Variants in GCNT2 observed in about 807,000 individuals in gnomAD.
The protein encoded by GCNT2 is glucosaminyl (N-acetyl) transferase 2 (I blood group), also known as N-acetyllactosaminide beta-1,6-N-acetylglucosaminyl-transferase.
A neutral mutation model predicts 34.2 loss-of-function variants in GCNT2; 34 were observed. The observed-to-expected ratio is 1.00, with a 90% CI of 0.76 to 1.32. The LOEUF is 1.32. GCNT2 is among the 40% of genes most tolerant of loss of function. GCNT2 has a pLI of 0.00. For synonymous variants in GCNT2, 212 were observed against 188.0 expected, an observed-to-expected ratio of 1.13 and a Z score of -1.04; for missense variants, 584 against 489.4, an observed-to-expected ratio of 1.19 and a Z score of -1.82.
chr6:10,626,513 C>T lies in GCNT2; in HGVS notation c.1115C>T (p.Thr372Ile). The T allele has an allele frequency of 1.9e-6, 3 of 1,613,052 alleles. No individual in the cohort carries two copies. Among genetic ancestry groups the T allele is most frequent in the Non-Finnish European group, 2.5e-6 (3 of 1,179,058 alleles). ...TTTGCTAACAAGTTTGAGCTTAATACCTACCCCCTTACTGTGGAATGCCTA... is the reference window on the plus strand; with the variant it reads ...TTTGCTAACAAGTTTGAGCTTAATATCTACCCCCTTACTGTGGAATGCCTA... ...SLFANKFELN[T>I]YPLTVECLEL... is the part of the protein sequence containing the mutation. The change falls in exon 5 of 5, where the codon ACC becomes ATC. Residue 372 changes from threonine to isoleucine, a missense_variant. By Grantham distance (89) the Thr-to-Ile change is moderately conservative. Transcript: ENST00000495262.
intron 1 of GCNT2, among the ~76,000 whole-genome samples, chr6:10,522,575 GT>G (rs772521641): frequency 6.5e-4 from 99 of 152,266 alleles, no homozygotes; most frequent in Non-Finnish European, 6.5e-4. Flanking sequence ...TAAAGGATCT[GT>G]TTCTTTGCAC....
intron 3 of GCNT2, among the ~76,000 whole-genome samples, chr6:10,534,414 G>A (rs550547991): frequency 4.7e-4 from 72 of 152,090 alleles, no homozygotes; most frequent in African/African-American, 1.6e-3. Flanking sequence ...GGGATTACAG[G>A]CGTGAGCCAC....
At chr6:10,533,947 G>A (rs1418786088) in intron 3 of GCNT2, among the ~76,000 whole-genome samples, 3 of 151,366 alleles carry the variant, frequency 2.0e-5, no homozygotes, top group East Asian at 3.9e-4. Context: ...AGGCTCTGCC[G>A]CCCTAGCAGC....
At chr6:10,540,334 T>C (rs1485531962) in intron 3 of GCNT2, among the ~76,000 whole-genome samples, 6 of 152,164 alleles carry the variant, frequency 3.9e-5, no homozygotes, top group African/African-American at 1.4e-4. Flanking sequence ...CACAACCTGT[T>C]CATGCTGTCT....
chr6:10,601,593 G>T (rs1276184857), intron 3 of GCNT2, among the ~76,000 whole-genome samples: 1 of 152,094 alleles, frequency 6.6e-6, no homozygotes, highest in Non-Finnish European at 1.5e-5. Flanking sequence ...ATTAGTCATT[G>T]GTCTTGATCT....
intron 1 of GCNT2, among the ~76,000 whole-genome samples, chr6:10,522,637 A>G (rs776651749): frequency 1.3e-5 from 2 of 152,184 alleles, no homozygotes; most frequent in Admixed American, 6.5e-5. Context: ...GGGAGGCTAT[A>G]TTCTTTCATG....
At chr6:10,564,929 C>A (rs1185858725) in intron 3 of GCNT2, among the ~76,000 whole-genome samples, 2 of 152,060 alleles carry the variant, frequency 1.3e-5, no homozygotes, top group African/African-American at 4.8e-5. Flanking sequence ...GAGAGAGAAG[C>A]CAGATCATTA....
At chr6:10,523,404 C>T (rs1365585783) in intron 1 of GCNT2, among the ~76,000 whole-genome samples, 1 of 136,792 alleles carries the variant, frequency 7.3e-6, no homozygotes, top group Admixed American at 7.8e-5. Flanking sequence ...GCAGACGGGG[C>T]AACAAGAGCG....
At chr6:10,550,953 T>C (rs1762455034) in intron 3 of GCNT2, among the ~76,000 whole-genome samples, 1 of 152,248 alleles carries the variant, frequency 6.6e-6, no homozygotes, top group South Asian at 2.1e-4. Context: ...ATTTGGCTGA[T>C]AGTTGTGGAA....
intron 1 of GCNT2, among the ~76,000 whole-genome samples, chr6:10,523,347 A>G (rs56246348): frequency 0.015 from 2,262 of 150,552 alleles, 25 homozygotes; most frequent in South Asian, 0.026. Flanking sequence ...AATTGCTTAA[A>G]CCCGGGAGGC....
intron 3 of GCNT2, among the ~76,000 whole-genome samples, chr6:10,611,256 GATCACTTGAACTGGTTCAA>G (rs1356339894): frequency 1.4e-5 from 1 of 73,024 alleles, no homozygotes; most frequent in African/African-American, 5.0e-5. Context: ...GTGATCAATT[GATCACTTGAACTGGTTCAA>G]TTGATCAATT....
In GCNT2 at chr6:10,531,030, G is replaced by A. The variant is rs996857857; in HGVS notation, c.925+1194G>A. Among the ~76,000 whole-genome samples the A allele has an allele frequency of 2.1e-5, 3 of 143,846 alleles. No individual in the cohort carries two copies. The South Asian group carries it at 6.7e-4, about 32-fold the overall frequency. The allele number at this position is 143,846 out of a possible 152,430, so 94.4% of individuals were successfully genotyped here. Reference sequence around the variant, plus strand: ...GATCACGTCATCGCACTCCAGCGGAGACTCTGTCTCAAAAAAAAAAAAAAA... The same window carrying A: ...GATCACGTCATCGCACTCCAGCGGAAACTCTGTCTCAAAAAAAAAAAAAAA... On this transcript the variant is annotated intron_variant, in intron 3 of 4. Coordinates refer to ENST00000495262, the MANE Select transcript of GCNT2 (RefSeq NM_145649.5).
intron 1 of GCNT2, among the ~76,000 whole-genome samples, chr6:10,523,289 G>A (rs1255547832): frequency 6.6e-6 from 1 of 152,062 alleles, no homozygotes; most frequent in African/African-American, 2.4e-5. Context: ...AGCCGGGTGT[G>A]GTGGCACATG....
intron 3 of GCNT2, among the ~76,000 whole-genome samples, chr6:10,595,589 CTTTCT>C (rs1175877590): frequency 2.0e-5 from 3 of 151,958 alleles, no homozygotes; most frequent in Non-Finnish European, 2.9e-5. Flanking sequence ...GGTTGGGTTG[CTTTCT>C]TTTCTTAAGC....
At chr6:10,611,413 C>G (rs62397693) in intron 3 of GCNT2, among the ~76,000 whole-genome samples, 64,264 of 150,902 alleles carry the variant, frequency 0.43, 16,372 homozygotes, top group East Asian at 0.65. Context: ...TCACTGAAAC[C>G]TCCGCCTCCC....
In GCNT2 at chr6:10,538,437, A is replaced by AAAAATAT. The variant is rs1554127249; in HGVS notation, c.925+8602_925+8603insAAATATA. ...AAAAAAAAAAAAAAAAAAAAAAAAA[A>AAAAATAT]ATATATATATATATATATATGTTGA... On this transcript the variant is annotated intron_variant, in intron 3 of 4. Coordinates refer to ENST00000495262, the MANE Select transcript of GCNT2 (RefSeq NM_145649.5). Among the ~76,000 whole-genome samples the AAAAATAT allele has an allele frequency of 2.5e-4, 18 of 73,326 alleles. 1 individual carries two copies. The highest frequency in any genetic ancestry group is 7.2e-4 in the African/African-American group (6 of 8,390). The allele number at this position is 73,326 out of a possible 152,430, so 48.1% of individuals were successfully genotyped here.
intron 3 of GCNT2, among the ~76,000 whole-genome samples, chr6:10,582,355 T>A: frequency 1.7e-5 from 2 of 116,588 alleles, no homozygotes; most frequent in African/African-American, 3.5e-5. Flanking sequence ...TATAGTAATA[T>A]TAAATATAAT....
chr6:10,540,519 C>T (rs968790562), intron 3 of GCNT2, among the ~76,000 whole-genome samples: 7 of 151,962 alleles, frequency 4.6e-5, no homozygotes, highest in African/African-American at 1.5e-4. Flanking sequence ...TTGTGTAGAT[C>T]TCAGTTCCCT....
intron 3 of GCNT2, among the ~76,000 whole-genome samples, chr6:10,588,812 G>GT (rs1764469245): frequency 7.0e-6 from 1 of 142,372 alleles, no homozygotes; most frequent in Non-Finnish European, 1.5e-5. Context: ...TGTGTGTGGT[G>GT]TATGTGTGTT....
Sources: gnomAD v4.1 joint callset for allele counts (sites outside exome capture counted in the v4.1 genomes callset) on GRCh38, gnomAD v4.1.1 for gene constraint, MANE v1.5 for transcripts, NCBI Gene and HGNC (gene_info 2026-07-23, HGNC 2026-07-21) for gene names.